CPA6: variants seen among roughly 807,000 people sequenced by gnomAD.
The protein encoded by CPA6 is carboxypeptidase A6.
CPA6 carries 58 observed loss-of-function variants against 63.3 expected under a neutral mutation model. That is an observed-to-expected ratio of 0.92 (90% CI 0.74 to 1.14). The LOEUF is 1.14. Among genes scored for constraint, CPA6 ranks in the 50% most tolerant of loss-of-function variants. The pLI, the probability that CPA6 is intolerant of heterozygous loss-of-function variation, is 0.00. For synonymous variants in CPA6, 185 were observed against 179.0 expected, an observed-to-expected ratio of 1.03 and a Z score of -0.27; for missense variants, 565 against 526.6, an observed-to-expected ratio of 1.07 and a Z score of -0.71.
chr8:67,458,286 TCCC>T (rs1009866191), intron 8 of CPA6, among the ~76,000 whole-genome samples: 5 of 152,170 alleles, frequency 3.3e-5, no homozygotes, highest in African/African-American at 1.2e-4. Flanking sequence ...AACCTCCACC[TCCC>T]AGGTTCAAGT....
chr8:67,520,463 A>G (rs1189342426), intron 2 of CPA6, among the ~76,000 whole-genome samples: 1 of 152,210 alleles, frequency 6.6e-6, no homozygotes, highest in Non-Finnish European at 1.5e-5. Flanking sequence ...TTGTTGTGAT[A>G]TTAGGAAAGT....
intron 10 of CPA6, among the ~76,000 whole-genome samples, chr8:67,424,246 G>C (rs1198731117): frequency 6.6e-6 from 1 of 152,068 alleles, no homozygotes; most frequent in African/African-American, 2.4e-5. Context: ...TAATAATAAT[G>C]GAAATAAAGT....
chr8:67,500,292 C>T (rs758703188), intron 6 of CPA6, among the ~76,000 whole-genome samples: 41 of 152,226 alleles, frequency 2.7e-4, no homozygotes, highest in African/African-American at 5.8e-4. Flanking sequence ...ATTTTCCCAA[C>T]GACATCTTTT....
At chr8:67,712,801 C>A (rs1285523177) in intron 1 of CPA6, among the ~76,000 whole-genome samples, 1 of 151,838 alleles carries the variant, frequency 6.6e-6, no homozygotes, top group African/African-American at 2.4e-5. Context: ...AAATTTCATG[C>A]CATCCTGCTC....
At chr8:67,661,405 A>G (rs144837926) in intron 1 of CPA6, among the ~76,000 whole-genome samples, 21 of 152,298 alleles carry the variant, frequency 1.4e-4, no homozygotes, top group African/African-American at 4.8e-4. Flanking sequence ...GCTTTAATCC[A>G]AGGGACCGAG....
chr8:67,627,051 G>C (rs1047933146), intron 1 of CPA6, among the ~76,000 whole-genome samples: 1 of 152,044 alleles, frequency 6.6e-6, no homozygotes. Flanking sequence ...AAATTCTCAG[G>C]TGTGACTTTA....
chr8:67,710,689 G>T (rs537729535), intron 1 of CPA6, among the ~76,000 whole-genome samples: 12 of 151,092 alleles, frequency 7.9e-5, no homozygotes, highest in Non-Finnish European at 1.2e-4. Flanking sequence ...TCTTGGAGGG[G>T]AATTTAACTT....
chr8:67,506,853 C>T lies in CPA6; in HGVS notation c.570G>A (p.Trp190Ter), dbSNP rs1313461336. 6.2e-7 allele frequency: 1 copy of T among 1,613,522 alleles called. No homozygotes were observed. Among genetic ancestry groups the T allele is most frequent in the African/African-American group, 1.3e-5 (1 of 74,900 alleles). Reference protein sequence around the residue: ...GRRSRLKRAVWIDCGIHAREW... With the variant: ...GRRSRLKRAV ...CTCTTGCATGAATACCACAGTCTAT[C>T]CAAACAGCTCTTTTGAGTCGTGATC... The change falls in exon 6 of 11, where the codon TGG becomes TGA. Residue 190 changes from tryptophan to a stop codon, truncating the protein, a stop_gained. Coordinates refer to ENST00000297770, the MANE Select transcript of CPA6 (RefSeq NM_020361.5). LOFTEE classifies it high-confidence loss of function.
chr8:67,548,126 T>TC (rs1812859905), intron 2 of CPA6, among the ~76,000 whole-genome samples: 1 of 40,690 alleles, frequency 2.5e-5, no homozygotes, highest in East Asian at 1.1e-3. Flanking sequence ...CCTCCCTCCC[T>TC]CCCTTCCTCT....
chr8:67,681,084 A>G (rs902331052), intron 1 of CPA6, among the ~76,000 whole-genome samples: 2 of 152,064 alleles, frequency 1.3e-5, no homozygotes, highest in Middle Eastern at 3.4e-3. Flanking sequence ...TGTCTGTCCA[A>G]GAGCAGACGT....
At chr8:67,507,873 TG>T (rs1811962292) in intron 5 of CPA6, among the ~76,000 whole-genome samples, 1 of 152,132 alleles carries the variant, frequency 6.6e-6, no homozygotes, top group Non-Finnish European at 1.5e-5. Context: ...GAAGAGAATC[TG>T]AGCGCACCAT....
chr8:67,422,801 C>T (rs1809798147), intron 10 of CPA6, 110 bp from the exon 11 acceptor site: 2 of 749,414 alleles, frequency 2.7e-6, no homozygotes, highest in African/African-American at 3.5e-5. Flanking sequence ...TAAATCCTTC[C>T]AATTAAATGC....
intron 2 of CPA6, among the ~76,000 whole-genome samples, chr8:67,534,827 C>T (rs1587532052): frequency 6.6e-6 from 1 of 152,124 alleles, no homozygotes; most frequent in South Asian, 2.1e-4. Context: ...ATCAACCCGT[C>T]ATCTATATTA....
chr8:67,635,902 C>T (rs1305156602), intron 1 of CPA6, among the ~76,000 whole-genome samples: 1 of 151,534 alleles, frequency 6.6e-6, no homozygotes, highest in East Asian at 1.9e-4. Context: ...CTAATGTTGC[C>T]CTTCACAAGG....
chr8:67,663,898 T>C (rs1037076689), intron 1 of CPA6, among the ~76,000 whole-genome samples: 1 of 152,302 alleles, frequency 6.6e-6, no homozygotes, highest in Admixed American at 6.5e-5. Context: ...TCCTTAATTC[T>C]TGCTATCTAG....
chr8:67,697,685 A>G (rs2128998192), intron 1 of CPA6, among the ~76,000 whole-genome samples: 1 of 152,306 alleles, frequency 6.6e-6, no homozygotes, highest in East Asian at 1.9e-4. Context: ...GGAAAAATAA[A>G]TAGAAATCTT....
intron 6 of CPA6, among the ~76,000 whole-genome samples, chr8:67,488,787 T>G (rs1811541730): frequency 6.6e-6 from 1 of 152,212 alleles, no homozygotes; most frequent in African/African-American, 2.4e-5. Flanking sequence ...TGAGTTGTAT[T>G]CCTAGGTATT....
rs535693578 is a variant in CPA6 at position 67,650,729 on chromosome 8, C to T, written c.117-26478G>A. Among the ~76,000 whole-genome samples the T allele has an allele frequency of 3.9e-4, 59 of 152,178 alleles. 1 individual carries two copies. Among genetic ancestry groups the T allele is most frequent in the Non-Finnish European group, 3.2e-4 (22 of 67,980 alleles). On this transcript the variant is annotated intron_variant, in intron 1 of 10. Coordinates refer to ENST00000297770, the MANE Select transcript of CPA6 (RefSeq NM_020361.5). ...GGAAAGAGGGATGGGAGACTGTCTA[C>T]GATGTTCATATATAAAAATCAAGAC... is the stretch of plus-strand genomic sequence containing the variant.
At chr8:67,705,814 CA>C (rs1817121974) in intron 1 of CPA6, among the ~76,000 whole-genome samples, 1 of 152,222 alleles carries the variant, frequency 6.6e-6, no homozygotes, top group South Asian at 2.1e-4. Context: ...ATAACTTCTA[CA>C]GTATGTGGAT....
Sources: allele counts gnomAD v4.1 joint callset (sites outside exome capture counted in the v4.1 genomes callset), GRCh38; gene constraint gnomAD v4.1.1; transcripts MANE v1.5; gene names NCBI Gene and HGNC (gene_info 2026-07-23, HGNC 2026-07-21).